The following CSMD2 variants were observed in gnomAD, a reference collection of about 807,000 sequenced individuals.
The protein encoded by CSMD2 is CUB and sushi domain-containing protein 2.
In CSMD2, 130 loss-of-function variants were observed where a neutral mutation model predicts 398.5. The ratio of observed to expected loss-of-function variants is 0.33; its 90% CI spans 0.28 to 0.38. The LOEUF (loss-of-function observed/expected upper bound fraction) is 0.38. CSMD2 is among the 10% of genes least tolerant of loss of function. CSMD2 has a pLI of 1.00. For missense variants in CSMD2, 3,829 were observed against 4,764.9 expected (o/e 0.80, Z 5.78); for synonymous variants, 1,828 against 1,908.5 (o/e 0.96, Z 1.10).
At chr1:34,087,979 G>GGC (rs1658102489) in intron 2 of CSMD2, among the ~76,000 whole-genome samples, 1 of 152,092 alleles carries the variant, frequency 6.6e-6, no homozygotes, top group African/African-American at 2.4e-5. Flanking sequence ...GGGGGCCCCA[G>GGC]ATGCCCCCCC....
At chr1:34,111,230 T>C (rs1031499716) in intron 1 of CSMD2, among the ~76,000 whole-genome samples, 1 of 152,162 alleles carries the variant, frequency 6.6e-6, no homozygotes, top group African/African-American at 2.4e-5. Context: ...AAAAGTACAA[T>C]TCATATGGAC....
At chr1:34,094,532 C>A (rs1659043009) in intron 1 of CSMD2, among the ~76,000 whole-genome samples, 1 of 151,986 alleles carries the variant, frequency 6.6e-6, no homozygotes, top group Non-Finnish European at 1.5e-5. Context: ...TGCAGAGACA[C>A]ACATAGGCTC....
chr1:34,070,514 G>A (rs1484508944), intron 2 of CSMD2, among the ~76,000 whole-genome samples: 1 of 152,216 alleles, frequency 6.6e-6, no homozygotes, highest in Non-Finnish European at 1.5e-5. Context: ...TGCAAAATGG[G>A]ATGAATATGA....
chr1:34,003,582 T>G (rs1011318623), intron 3 of CSMD2, among the ~76,000 whole-genome samples: 1 of 152,196 alleles, frequency 6.6e-6, no homozygotes, highest in Non-Finnish European at 1.5e-5. Context: ...CACAGGAGGA[T>G]GCAGTCTCTC....
chr1:33,661,230 C>T (rs535281412), intron 26 of CSMD2, among the ~76,000 whole-genome samples: 2 of 152,244 alleles, frequency 1.3e-5, no homozygotes, highest in South Asian at 2.1e-4. Context: ...TCAGCTTGGG[C>T]GCAGTTGGAG....
intron 25 of CSMD2, among the ~76,000 whole-genome samples, chr1:33,688,769 C>G (rs1338687563): frequency 6.6e-6 from 1 of 152,128 alleles, no homozygotes; most frequent in Non-Finnish European, 1.5e-5. Flanking sequence ...TGAGCTGAGA[C>G]AGTGCCACTG....
At chr1:33,572,260 G>A (rs927249121) in intron 50 of CSMD2, among the ~76,000 whole-genome samples, 2 of 152,190 alleles carry the variant, frequency 1.3e-5, no homozygotes, top group African/African-American at 4.8e-5. Flanking sequence ...CCATCTAAAA[G>A]GGAGTGGACC....
chr1:33,713,336 G>T (rs1646053720), intron 21 of CSMD2, among the ~76,000 whole-genome samples: 1 of 152,180 alleles, frequency 6.6e-6, no homozygotes, highest in Admixed American at 6.5e-5. Context: ...TTGAGATGCT[G>T]GTCCCTGTTT....
chr1:33,650,725 C>T (rs868335785), intron 28 of CSMD2, among the ~76,000 whole-genome samples: 3 of 152,058 alleles, frequency 2.0e-5, no homozygotes, highest in Non-Finnish European at 2.9e-5. Flanking sequence ...TGATTTACAC[C>T]GTGTGAAATG....
rs1641720765 is a variant in CSMD2 at position 34,164,818 on chromosome 1, G to A, written c.187+93C>T. 1.9e-6 allele frequency: 2 copies of A among 1,071,194 alleles called. No homozygotes were observed. The highest frequency in any genetic ancestry group is 9.2e-5 in the South Asian group (2 of 21,650). The allele number at this position is 1,071,194 out of a possible 1,614,324, so 66.4% of individuals were successfully genotyped here. The stretch of plus-strand genomic sequence containing the variant: ...GAGATTCAGGCAGGGATAGAGGCGG[G>A]GGGAGGGACTGGGACCGGGTCGAGG... On this transcript the variant is annotated intron_variant, in intron 1 of 70. Transcript: ENST00000373381. The surrounding 1 kb of genome is among the most constrained non-coding windows in gnomAD (Gnocchi z 6.2).
Position 33,687,246 on chromosome 1 carries a change from C to T in CSMD2, c.4052+5684G>A, listed in dbSNP as rs1035897813. 3.3e-5 allele frequency among the ~76,000 whole-genome samples: 5 copies of T among 152,228 alleles called. No individual in the cohort carries two copies. The East Asian group carries it at 9.6e-4, about 29-fold the overall frequency. ...GCTCAAGTGCAAAATGCAGTTGACA[C>T]AGGGAAAAACTGACAACCATTGTAA... On this transcript the variant is annotated intron_variant, in intron 25 of 70. Transcript: ENST00000373381.
At chr1:33,605,244 C>A in intron 42 of CSMD2, 38 bp downstream of exon 42, 3 of 1,592,448 alleles carry the variant, frequency 1.9e-6, no homozygotes, top group Non-Finnish European at 1.7e-6. Context: ...TCCACGAGTA[C>A]CCCAGGAAGA....
intron 1 of CSMD2, among the ~76,000 whole-genome samples, chr1:34,100,776 T>C (rs1439695859): frequency 1.3e-5 from 2 of 152,216 alleles, no homozygotes; most frequent in Non-Finnish European, 2.9e-5. Flanking sequence ...AAATAAGACC[T>C]GGACCCTTAG....
chr1:33,932,427 AATC>A (rs1397265878), intron 4 of CSMD2, among the ~76,000 whole-genome samples: 1 of 152,158 alleles, frequency 6.6e-6, no homozygotes, highest in African/African-American at 2.4e-5. Flanking sequence ...GGAGGGAAAG[AATC>A]ATCATCATTT....
At chr1:34,073,317 C>G (rs371867721) in intron 2 of CSMD2, among the ~76,000 whole-genome samples, 184 of 152,310 alleles carry the variant, frequency 1.2e-3, no homozygotes, top group African/African-American at 4.2e-3. Flanking sequence ...AACCCACTTC[C>G]TATTAATTAT....
chr1:33,557,998 A>G, intron 54 of CSMD2, 76 bp from the exon 55 acceptor site: 3 of 1,345,778 alleles, frequency 2.2e-6, no homozygotes, highest in South Asian at 1.3e-5. Flanking sequence ...TAGGCAATGA[A>G]GCAGACCCTG....
At chr1:33,665,301 T>A (rs922392943) in intron 25 of CSMD2, among the ~76,000 whole-genome samples, 11 of 152,184 alleles carry the variant, frequency 7.2e-5, no homozygotes, top group African/African-American at 2.7e-4. Flanking sequence ...AAGTGATTAA[T>A]TTTATGTAAC....
intron 64 of CSMD2, among the ~76,000 whole-genome samples, 163 bp downstream of exon 64, chr1:33,532,887 G>A (rs761862070): frequency 2.0e-5 from 3 of 152,214 alleles, no homozygotes; most frequent in African/African-American, 4.8e-5. Context: ...TTTTTAGACC[G>A]CTCTGCTTTG....
chr1:33,690,213 C>A (rs1645191659), intron 25 of CSMD2, among the ~76,000 whole-genome samples: 1 of 152,194 alleles, frequency 6.6e-6, no homozygotes, highest in Non-Finnish European at 1.5e-5. Flanking sequence ...CACCAAATCG[C>A]AGGTGATCAT....
Sources: gnomAD v4.1 joint callset for allele counts (sites outside exome capture counted in the v4.1 genomes callset) on GRCh38, gnomAD v4.1.1 for gene constraint, Gnocchi (gnomAD v3.1) non-coding constraint, MANE v1.5 for transcripts, NCBI Gene and HGNC (gene_info 2026-07-23, HGNC 2026-07-21) for gene names.